XPOT: variants seen among roughly 807,000 people sequenced by gnomAD.
The protein encoded by XPOT is exportin-T.
A neutral mutation model predicts 128.2 loss-of-function variants in XPOT; 34 were observed. The observed-to-expected ratio is 0.27, with a 90% CI of 0.20 to 0.35. The LOEUF (loss-of-function observed/expected upper bound fraction) is 0.35, where lower values mean the gene tolerates loss of function less well. Among genes scored for constraint, XPOT ranks in the 10% least tolerant of loss-of-function variants. The pLI, the probability that XPOT is intolerant of heterozygous loss-of-function variation, is 1.00. For missense variants in XPOT, 838 were observed against 1,125.3 expected (o/e 0.74, Z 3.65); for synonymous variants, 348 against 394.3 (o/e 0.88, Z 1.39).
Position 64,410,088 on chromosome 12 carries a change from G to A in XPOT, c.53G>A (p.Arg18Lys), listed in dbSNP as rs1473824512. 2.5e-6 allele frequency: 4 copies of A among 1,613,594 alleles called. No individual in the cohort carries two copies. The highest frequency in any genetic ancestry group is 3.4e-6 in the Non-Finnish European group (4 of 1,179,904). The change falls in exon 2 of 25, where the codon AGA becomes AAA. Residue 18 changes from arginine to lysine, a missense_variant. Physicochemically the swap from Arg to Lys is conservative, Grantham distance 26 (BLOSUM62 2). Around this residue, in one of 3 missense-constraint regions of XPOT, gnomAD observed 761 missense variants for 988.3 expected, o/e 0.77. Coordinates refer to ENST00000332707, the MANE Select transcript of XPOT (RefSeq NM_007235.6). ...GLNPNADSDF[R>K]QRALAYFEQL... The stretch of plus-strand genomic sequence containing the variant: ...AATCCAAATGCTGATTCAGACTTTA[G>A]ACAAAGGGTAAGTTACTCTGCTGAA...
intron 15 of XPOT, 113 bp from the exon 16 acceptor site, chr12:64,427,938 T>G (rs931518880): frequency 4.4e-6 from 3 of 684,906 alleles, no homozygotes; most frequent in Non-Finnish European, 7.7e-6. Context: ...TAATCAGAAG[T>G]GACTAGCCTA....
At chr12:64,432,319 C>T (rs1048693812) in intron 18 of XPOT, among the ~76,000 whole-genome samples, 8 of 151,936 alleles carry the variant, frequency 5.3e-5, no homozygotes, top group Non-Finnish European at 7.4e-5. Flanking sequence ...GGTCACAACT[C>T]ACTGCAACCT....
At chr12:64,424,833 C>A in intron 12 of XPOT, 110 bp downstream of exon 12, 1 of 1,425,998 alleles carries the variant, frequency 7.0e-7, no homozygotes, top group South Asian at 1.3e-5. Context: ...TTATTGAGAT[C>A]TTATGTGTAT....
chr12:64,420,263 G>A lies in XPOT; in HGVS notation c.674+9G>A, dbSNP rs2040125985. 1 of 1,587,820 alleles carries A rather than the reference G, an allele frequency of 6.3e-7. No individual in the cohort carries two copies. The highest frequency in any genetic ancestry group is 8.5e-7 in the Non-Finnish European group (1 of 1,170,056). On this transcript the variant is annotated intron_variant, in intron 7 of 24. Transcript: ENST00000332707. ...CTTATAGCCAATGATAGGTAAGTAT[G>A]CCTATTATTTTTATAGTATAAACTT...
chr12:64,432,155 G>A (rs1359322502), intron 18 of XPOT, among the ~76,000 whole-genome samples: 1 of 152,158 alleles, frequency 6.6e-6, no homozygotes, highest in African/African-American at 2.4e-5. Flanking sequence ...AGAGTTAAAA[G>A]TAATTCAATG....
chr12:64,424,440 G>A (rs1162828310), intron 11 of XPOT, among the ~76,000 whole-genome samples, 159 bp from the exon 12 acceptor site: 2 of 152,108 alleles, frequency 1.3e-5, no homozygotes, highest in Non-Finnish European at 2.9e-5. Context: ...TGAATTTTAA[G>A]GTCTTTTAAG....
chr12:64,424,004 G>C (rs981842154), intron 11 of XPOT, among the ~76,000 whole-genome samples: 3 of 152,060 alleles, frequency 2.0e-5, no homozygotes, highest in Non-Finnish European at 2.9e-5. Context: ...CATGGTATTT[G>C]CTGCTAAGCT....
rs1003353276 is a variant in XPOT at position 64,425,382 on chromosome 12, A to G, written c.1497A>G (p.Thr499=). The change falls in exon 14 of 25, where the codon ACA becomes ACG. Residue 499 remains threonine, a synonymous_variant. Coordinates refer to ENST00000332707, the MANE Select transcript of XPOT (RefSeq NM_007235.6). ...GVSSYQHTSV[T]LEFFETVVRY... ...GTTCCTATCAGCATACATCTGTGAC[A>G]TTGGAGTTCTTCGAAACTGTTGTTA... is the stretch of plus-strand genomic sequence containing the variant. 6.2e-7 allele frequency: 1 copy of G among 1,613,592 alleles called. No individual in the cohort carries two copies. Among genetic ancestry groups the G allele is most frequent in the Non-Finnish European group, 8.5e-7 (1 of 1,179,986 alleles).
At chr12:64,406,664 C>T (rs1159123538) in intron 1 of XPOT, among the ~76,000 whole-genome samples, 2 of 152,182 alleles carry the variant, frequency 1.3e-5, no homozygotes, top group Non-Finnish European at 2.9e-5. Flanking sequence ...GCGTGAGCCA[C>T]CCTGCCTGGC....
In XPOT at chr12:64,425,091, A is replaced by G. The variant is rs140621963; in HGVS notation, c.1361A>G (p.Tyr454Cys). The G allele has an allele frequency of 6.2e-7, 1 of 1,613,570 alleles. No individual in the cohort carries two copies. Among genetic ancestry groups the G allele is most frequent in the Non-Finnish European group, 8.5e-7 (1 of 1,179,954 alleles). The part of the protein sequence containing the change: ...MEVEVAIRLL[Y>C]MLAEALPVSH... Reference sequence around the variant, plus strand: ...GTTGAAGTAGCAATAAGATTGCTGTATATGTTGGCAGAAGCTCTTCCAGTA... The same window carrying G: ...GTTGAAGTAGCAATAAGATTGCTGTGTATGTTGGCAGAAGCTCTTCCAGTA... The change falls in exon 13 of 25, where the codon TAT becomes TGT. Residue 454 changes from tyrosine to cysteine, a missense_variant. Tyr to Cys is a radical substitution (Grantham distance 194). Around this residue, in one of 3 missense-constraint regions of XPOT, gnomAD observed 761 missense variants for 988.3 expected, o/e 0.77. Coordinates refer to ENST00000332707, the MANE Select transcript of XPOT (RefSeq NM_007235.6).
chr12:64,425,279 C>T (rs552687418), intron 13 of XPOT, 59 bp from the exon 14 acceptor site: 125 of 1,609,096 alleles, frequency 7.8e-5, no homozygotes, highest in East Asian at 1.8e-4. Context: ...ATGTTAATAC[C>T]GGGGCATTTT....
intron 1 of XPOT, among the ~76,000 whole-genome samples, chr12:64,405,895 C>T (rs1047591415): frequency 6.6e-6 from 1 of 152,138 alleles, no homozygotes; most frequent in Non-Finnish European, 1.5e-5. Context: ...GGATTACAGG[C>T]GTGAGCCACC....
chr12:64,432,781 TAA>T (rs1281243532), intron 18 of XPOT, among the ~76,000 whole-genome samples: 1 of 152,212 alleles, frequency 6.6e-6, no homozygotes, highest in Non-Finnish European at 1.5e-5. Flanking sequence ...AGAAAAACCC[TAA>T]GAGTTTAATC....
intron 11 of XPOT, among the ~76,000 whole-genome samples, 197 bp downstream of exon 11, chr12:64,423,441 A>G (rs1180985062): frequency 2.0e-5 from 3 of 152,044 alleles, no homozygotes; most frequent in Admixed American, 6.6e-5. Flanking sequence ...TTATCCATTA[A>G]CAACCACCCC....
At chr12:64,413,549 A>G (rs1214052282) in intron 2 of XPOT, among the ~76,000 whole-genome samples, 2 of 152,222 alleles carry the variant, frequency 1.3e-5, no homozygotes, top group East Asian at 3.9e-4. Context: ...CATATATTTA[A>G]TATTATATTT....
At chr12:64,408,219 C>T (rs2136008260) in intron 1 of XPOT, among the ~76,000 whole-genome samples, 1 of 151,944 alleles carries the variant, frequency 6.6e-6, no homozygotes, top group Non-Finnish European at 1.5e-5. Flanking sequence ...AAGCGATTCT[C>T]CTGCCTCAGC....
chr12:64,440,632 T>C (rs1426201659), intron 23 of XPOT, among the ~76,000 whole-genome samples: 1 of 152,186 alleles, frequency 6.6e-6, no homozygotes, highest in East Asian at 1.9e-4. Context: ...TTGCTGTCTT[T>C]CATTTTTTTG....
intron 21 of XPOT, 54 bp from the exon 22 acceptor site, chr12:64,435,572 TG>T: frequency 6.8e-7 from 1 of 1,480,790 alleles, no homozygotes; most frequent in Non-Finnish European, 9.2e-7. Flanking sequence ...AGAGAAGAGC[TG>T]GATCACTAAA....
At chr12:64,419,475 G>A (rs940777048) in intron 6 of XPOT, among the ~76,000 whole-genome samples, 5 of 152,080 alleles carry the variant, frequency 3.3e-5, no homozygotes, top group African/African-American at 4.8e-5. Flanking sequence ...ATGCCACCAC[G>A]CCTGGCTAAT....
Sources: allele counts gnomAD v4.1 joint callset (sites outside exome capture counted in the v4.1 genomes callset), GRCh38; gene constraint gnomAD v4.1.1; regional missense constraint gnomAD v4.1.1; transcripts MANE v1.5; gene names NCBI Gene and HGNC (gene_info 2026-07-23, HGNC 2026-07-21).